Variants in GPC6 observed in about 807,000 individuals in gnomAD.
GPC6 encodes the protein glypican-6.
GPC6 carries 14 observed loss-of-function variants against 55.2 expected under a neutral mutation model. The observed-to-expected ratio is 0.25, with a 90% CI of 0.17 to 0.40. The LOEUF is 0.40. GPC6 is among the 10% of genes least tolerant of loss of function. The pLI, the probability that GPC6 is intolerant of heterozygous loss-of-function variation, is 1.00. For missense variants in GPC6, 641 were observed against 708.5 expected, an observed-to-expected ratio of 0.90 and a Z score of 1.08; for synonymous variants, 278 against 259.6, an observed-to-expected ratio of 1.07 and a Z score of -0.68.
chr13:93,804,255 T>A lies in GPC6; in HGVS notation c.320-25899T>A, dbSNP rs191832589. Among the ~76,000 whole-genome samples the A allele has an allele frequency of 1.9e-3, 290 of 152,296 alleles. 1 individual carries two copies. Among genetic ancestry groups the A allele is most frequent in the African/African-American group, 6.6e-3 (274 of 41,584 alleles). On this transcript the variant is annotated intron_variant, in intron 2 of 8. Transcript: ENST00000377047. ...AAATTTTAAATGCTAAGTTTAATAATTCTCTTTAAAAGTGTGTTTTCACTC... is the reference window on the plus strand; with the variant it reads ...AAATTTTAAATGCTAAGTTTAATAAATCTCTTTAAAAGTGTGTTTTCACTC...
At chr13:94,001,465 T>C (rs1478678766) in intron 3 of GPC6, among the ~76,000 whole-genome samples, 1 of 152,148 alleles carries the variant, frequency 6.6e-6, no homozygotes, top group East Asian at 1.9e-4. Flanking sequence ...TTGTTAAAAA[T>C]TAATCTAATG....
At chr13:93,716,042 C>T (rs1883244477) in intron 2 of GPC6, among the ~76,000 whole-genome samples, 1 of 151,586 alleles carries the variant, frequency 6.6e-6, no homozygotes, top group Admixed American at 6.6e-5. Flanking sequence ...CCTCGTGACT[C>T]ATAGCTATCA....
At chr13:93,902,594 C>T (rs1476093749) in intron 3 of GPC6, among the ~76,000 whole-genome samples, 1 of 152,076 alleles carries the variant, frequency 6.6e-6, no homozygotes, top group African/African-American at 2.4e-5. Context: ...CTGGATCATA[C>T]GGTAATTCTG....
At chr13:93,901,202 A>G (rs181544106) in intron 3 of GPC6, among the ~76,000 whole-genome samples, 2 of 152,188 alleles carry the variant, frequency 1.3e-5, no homozygotes, top group Non-Finnish European at 2.9e-5. Flanking sequence ...TTAGAAGTTC[A>G]TCTTTCAAAT....
chr13:93,968,859 G>A (rs182497159), intron 3 of GPC6, among the ~76,000 whole-genome samples: 81 of 152,152 alleles, frequency 5.3e-4, no homozygotes, highest in African/African-American at 1.4e-3. Context: ...GTACTGTCAA[G>A]GATCAATATA....
intron 1 of GPC6, among the ~76,000 whole-genome samples, chr13:93,405,032 C>T (rs1025892566): frequency 1.3e-5 from 2 of 151,978 alleles, no homozygotes; most frequent in East Asian, 3.9e-4. Context: ...TAAATTTCAG[C>T]GTGGGTATGA....
intron 4 of GPC6, among the ~76,000 whole-genome samples, chr13:94,238,555 T>C (rs1371182834): frequency 1.3e-5 from 2 of 152,152 alleles, no homozygotes; most frequent in Non-Finnish European, 2.9e-5. Context: ...CACTACAGAA[T>C]TCACCTGGAG....
At chr13:94,175,327 G>A (rs1888710059) in intron 4 of GPC6, among the ~76,000 whole-genome samples, 1 of 152,158 alleles carries the variant, frequency 6.6e-6, no homozygotes, top group Non-Finnish European at 1.5e-5. Flanking sequence ...CATCCACAAT[G>A]TGTCAATGAT....
chr13:93,888,227 A>G (rs560715207), intron 3 of GPC6, among the ~76,000 whole-genome samples: 3 of 152,250 alleles, frequency 2.0e-5, no homozygotes, highest in Non-Finnish European at 2.9e-5. Context: ...TCAACTTCCA[A>G]TCATTTATAA....
intron 2 of GPC6, among the ~76,000 whole-genome samples, chr13:93,761,426 C>G (rs1312939662): frequency 6.6e-6 from 1 of 152,206 alleles, no homozygotes; most frequent in Non-Finnish European, 1.5e-5. Flanking sequence ...CTGTGTCATG[C>G]TTAAGACAAT....
chr13:94,204,646 C>A (rs766327223), intron 4 of GPC6, among the ~76,000 whole-genome samples: 2 of 152,104 alleles, frequency 1.3e-5, no homozygotes, highest in African/African-American at 4.8e-5. Flanking sequence ...CTTATAAAAG[C>A]CTTGCATGTG....
intron 1 of GPC6, among the ~76,000 whole-genome samples, chr13:93,261,288 T>A (rs181114752): frequency 0.014 from 2,172 of 152,260 alleles, 23 homozygotes; most frequent in Admixed American, 0.021. Context: ...TTGGGATTTT[T>A]AAATCAGTTA....
At chr13:93,322,802 A>G (rs1484350072) in intron 1 of GPC6, among the ~76,000 whole-genome samples, 25 of 151,728 alleles carry the variant, frequency 1.6e-4, no homozygotes. Context: ...TTATTTTTTT[A>G]TTATACTTTA....
chr13:93,511,107 G>A (rs1269717740), intron 1 of GPC6, among the ~76,000 whole-genome samples: 2 of 147,242 alleles, frequency 1.4e-5, no homozygotes, highest in Non-Finnish European at 3.0e-5. Context: ...CCTGTCGGAT[G>A]AATAGTTTGC....
At position 93,791,623 on chromosome 13, in the gene GPC6, A is replaced by G. The variant is rs551661964; in HGVS notation, c.320-38531A>G. The stretch of plus-strand genomic sequence containing the variant: ...TTCTTTTTCTTTTTCTTTTTTTTTC[A>G]TGGCACATTAATTAAAATGTTAAAA... On this transcript the variant is annotated intron_variant, in intron 2 of 8. Coordinates refer to ENST00000377047, the MANE Select transcript of GPC6 (RefSeq NM_005708.5). Among the ~76,000 whole-genome samples, 153 of 151,624 alleles carry G rather than the reference A, an allele frequency of 1.0e-3. 1 individual carries two copies. Among genetic ancestry groups the G allele is most frequent in the Non-Finnish European group, 2.9e-4 (20 of 67,906 alleles).
At chr13:94,375,187 C>A (rs943606001) in intron 6 of GPC6, among the ~76,000 whole-genome samples, 31 of 151,356 alleles carry the variant, frequency 2.0e-4, no homozygotes, top group African/African-American at 7.3e-4. Context: ...CAAAAGCTAG[C>A]AGAAGGCAAG....
intron 4 of GPC6, among the ~76,000 whole-genome samples, chr13:94,122,432 A>C (rs1244477770): frequency 1.3e-5 from 2 of 152,102 alleles, no homozygotes; most frequent in Non-Finnish European, 2.9e-5. Context: ...GTGTATTATA[A>C]ATAACTGTCT....
chr13:93,973,509 A>G (rs868025967), intron 3 of GPC6, among the ~76,000 whole-genome samples: 81 of 152,038 alleles, frequency 5.3e-4, no homozygotes, highest in Middle Eastern at 3.2e-3. Flanking sequence ...AGCCAAAAAA[A>G]GGCATGATCT....
At chr13:93,702,217 C>G (rs1295682151) in intron 2 of GPC6, among the ~76,000 whole-genome samples, 2 of 152,036 alleles carry the variant, frequency 1.3e-5, no homozygotes. Flanking sequence ...CAACATTAAT[C>G]TTTTTACACA....
Sources: gnomAD v4.1 joint callset for allele counts (sites outside exome capture counted in the v4.1 genomes callset) on GRCh38, gnomAD v4.1.1 for gene constraint, MANE v1.5 for transcripts, NCBI Gene and HGNC (gene_info 2026-07-23, HGNC 2026-07-21) for gene names.